Variants in SDK1 observed in about 807,000 individuals in gnomAD.
The protein encoded by SDK1 is sidekick cell adhesion molecule 1.
In SDK1, 157 loss-of-function variants were observed where a neutral mutation model predicts 245.5. The ratio of observed to expected loss-of-function variants is 0.64; its 90% CI spans 0.56 to 0.73. The LOEUF is 0.73. Ranked by LOEUF, SDK1 falls within the 30% of genes least tolerant of loss-of-function variation. The pLI, the probability that SDK1 is intolerant of heterozygous loss-of-function variation, is 0.00. For synonymous variants in SDK1, 1,647 were observed against 1,278.5 expected, an observed-to-expected ratio of 1.29 and a Z score of -6.15; for missense variants, 3,583 against 3,002.3, an observed-to-expected ratio of 1.19 and a Z score of -4.52.
intron 14 of SDK1, among the ~76,000 whole-genome samples, chr7:3,995,313 T>C (rs1445102905): frequency 6.6e-6 from 1 of 152,182 alleles, no homozygotes; most frequent in Non-Finnish European, 1.5e-5. Flanking sequence ...CATCTCCTTT[T>C]AGGCATTGCC....
intron 17 of SDK1, among the ~76,000 whole-genome samples, chr7:4,021,805 G>A (rs1464515944): frequency 1.3e-5 from 2 of 152,198 alleles, no homozygotes; most frequent in South Asian, 2.1e-4. Context: ...GCACATATCT[G>A]TCCCTTGTTA....
At position 3,744,827 on chromosome 7, in the gene SDK1, CAAAAAAAAACAAAA is replaced by C. The variant is rs1249734552; in HGVS notation, c.714-76621_714-76608del. On this transcript the variant is annotated intron_variant, in intron 4 of 44. Transcript: ENST00000404826. ...ACTCCATCTCAAAAAAACAAACAAA[CAAAAAAAAACAAAA>C]AGAAAAAGAAAAACAATTTAAAAAT... 2.0e-5 allele frequency among the ~76,000 whole-genome samples: 3 copies of C among 146,436 alleles called. No individual in the cohort carries two copies. The East Asian group carries it at 6.0e-4, about 29-fold the overall frequency.
In SDK1 at chr7:3,384,657, G is replaced by C. The variant is rs75942547; in HGVS notation, c.298+82773G>C. ...CGTCTTGAGATACGCTGTTAGATTAGCTGTAGCTTCCCTTGCCACATCGCG... is the reference window on the plus strand; with the variant it reads ...CGTCTTGAGATACGCTGTTAGATTACCTGTAGCTTCCCTTGCCACATCGCG... On this transcript the variant is annotated intron_variant, in intron 1 of 44. Transcript: ENST00000404826. Among the ~76,000 whole-genome samples the C allele has an allele frequency of 1.5e-3, 227 of 152,316 alleles. 1 individual carries two copies. The highest frequency in any genetic ancestry group is 2.8e-3 in the Non-Finnish European group (191 of 68,026).
At chr7:4,262,365 C>G (rs569856431) in intron 44 of SDK1, among the ~76,000 whole-genome samples, 49 of 151,570 alleles carry the variant, frequency 3.2e-4, no homozygotes, top group African/African-American at 1.2e-3. Context: ...CACATCAAAC[C>G]GAAAGACCAT....
At chr7:3,474,099 T>TTTTTG (rs1781270458) in intron 1 of SDK1, among the ~76,000 whole-genome samples, 2 of 125,020 alleles carry the variant, frequency 1.6e-5, no homozygotes, top group African/African-American at 6.3e-5. Context: ...GTGTTTTTTT[T>TTTTTG]TTTTTTTTTT....
rs1238280389 is a variant in SDK1 at position 3,367,123 on chromosome 7, C to G, written c.298+65239C>G. Among the ~76,000 whole-genome samples the G allele has an allele frequency of 2.6e-5, 4 of 152,016 alleles. No individual in the cohort carries two copies. The South Asian group carries it at 8.3e-4, about 32-fold the overall frequency. ...AGTTACTTCCCAGTTTGCCATTGGT[C>G]TTTTGACTTTGCCTACAATTTTATT... On this transcript the variant is annotated intron_variant, in intron 1 of 44. Coordinates refer to ENST00000404826, the MANE Select transcript of SDK1 (RefSeq NM_152744.4).
rs1260027271 is a variant in SDK1 at position 3,557,598 on chromosome 7, T to G, written c.299-61482T>G. The stretch of plus-strand genomic sequence containing the variant: ...AAATATCAAACTGAGGAAATCTGAG[T>G]AAGATAATTGGATTATATCCATGTC... On this transcript the variant is annotated intron_variant, in intron 1 of 44. Coordinates refer to ENST00000404826, the MANE Select transcript of SDK1 (RefSeq NM_152744.4). Among the ~76,000 whole-genome samples the G allele has an allele frequency of 2.0e-5, 3 of 152,168 alleles. No homozygotes were observed. In the East Asian group the frequency reaches 5.8e-4, roughly 29 times the overall value.
intron 4 of SDK1, among the ~76,000 whole-genome samples, chr7:3,773,277 A>G (rs146476177): frequency 2.6e-5 from 4 of 151,788 alleles, no homozygotes; most frequent in East Asian, 3.9e-4. Context: ...CCTTTGCCCT[A>G]TCTTCACATT....
At chr7:4,097,098 G>T (rs1221384162) in intron 22 of SDK1, among the ~76,000 whole-genome samples, 1 of 152,226 alleles carries the variant, frequency 6.6e-6, no homozygotes, top group East Asian at 1.9e-4. Context: ...CCAGCACACT[G>T]GTTCCCAGGC....
At chr7:3,796,647 T>G (rs1178458311) in intron 4 of SDK1, among the ~76,000 whole-genome samples, 2 of 152,254 alleles carry the variant, frequency 1.3e-5, no homozygotes, top group Non-Finnish European at 2.9e-5. Context: ...CTCTGGGCAC[T>G]GGGTTCCTTT....
At chr7:3,949,891 A>T (rs1780730514) in intron 5 of SDK1, among the ~76,000 whole-genome samples, 1 of 152,228 alleles carries the variant, frequency 6.6e-6, no homozygotes, top group African/African-American at 2.4e-5. Flanking sequence ...TTGTTAATTG[A>T]ATATATTGGC....
intron 38 of SDK1, among the ~76,000 whole-genome samples, chr7:4,211,888 C>T (rs963839742): frequency 2.6e-5 from 4 of 152,162 alleles, no homozygotes; most frequent in African/African-American, 4.8e-5. Context: ...GGATTACAGG[C>T]GTGAGCCACC....
At chr7:3,545,169 A>G (rs1882429) in intron 1 of SDK1, among the ~76,000 whole-genome samples, 39,884 of 151,914 alleles carry the variant, frequency 0.26, 5,438 homozygotes, top group East Asian at 0.37. Flanking sequence ...ATTGACGCCT[A>G]ACAGACCTTT....
At chr7:4,035,764 G>A (rs1422602551) in intron 17 of SDK1, among the ~76,000 whole-genome samples, 1 of 152,168 alleles carries the variant, frequency 6.6e-6, no homozygotes, top group Non-Finnish European at 1.5e-5. Context: ...TGTGTAAGAT[G>A]AGCCTGGAAC....
intron 1 of SDK1, among the ~76,000 whole-genome samples, chr7:3,404,609 C>G (rs1234420034): frequency 6.6e-6 from 1 of 152,150 alleles, no homozygotes; most frequent in Non-Finnish European, 1.5e-5. Context: ...TACTTCCAAA[C>G]TGGTTTGGAA....
intron 22 of SDK1, among the ~76,000 whole-genome samples, chr7:4,086,851 T>A (rs1781456860): frequency 6.6e-6 from 1 of 152,128 alleles, no homozygotes; most frequent in African/African-American, 2.4e-5. Flanking sequence ...GTTTTCAGCC[T>A]TTTGCATAGT....
At chr7:4,181,320 C>A (rs972602731) in intron 35 of SDK1, among the ~76,000 whole-genome samples, 1 of 152,206 alleles carries the variant, frequency 6.6e-6, no homozygotes, top group Non-Finnish European at 1.5e-5. Context: ...ATGCATTTAC[C>A]GCATCTGGTG....
rs771304586 is a variant in SDK1, at chr7:3,974,575, G to C, written c.1994+30G>C. ...GTACTGAGACGTTTGGTGTTAGCCA[G>C]TCCGCGGTTTTCTCCGTTACTGTGC... On this transcript the variant is annotated intron_variant, in intron 13 of 44. Coordinates refer to ENST00000404826, the MANE Select transcript of SDK1 (RefSeq NM_152744.4). 4.4e-6 allele frequency: 7 copies of C among 1,601,260 alleles called. No individual in the cohort carries two copies. The African/African-American group carries it at 8.0e-5, about 18-fold the overall frequency.
chr7:3,327,414 A>G (rs1299557072), intron 1 of SDK1, among the ~76,000 whole-genome samples: 1 of 152,142 alleles, frequency 6.6e-6, no homozygotes, highest in African/African-American at 2.4e-5. Context: ...TTATTTATAT[A>G]CAGCTGCTGG....
Sources: gnomAD v4.1 joint callset for allele counts (sites outside exome capture counted in the v4.1 genomes callset) on GRCh38, gnomAD v4.1.1 for gene constraint, MANE v1.5 for transcripts, NCBI Gene and HGNC (gene_info 2026-07-23, HGNC 2026-07-21) for gene names.